Variants in RABGAP1L observed in about 807,000 individuals in gnomAD.
The protein encoded by RABGAP1L is rab GTPase-activating protein 1-like.
RABGAP1L carries 63 observed loss-of-function variants against 137.7 expected under a neutral mutation model. The observed-to-expected ratio is 0.46, with a 90% CI of 0.37 to 0.56. RABGAP1L has a LOEUF of 0.56. Ranked by LOEUF, RABGAP1L falls within the 20% of genes least tolerant of loss-of-function variation. RABGAP1L has a pLI of 0.00. For synonymous variants in RABGAP1L, 431 were observed against 433.7 expected (o/e 0.99, Z 0.08); for missense variants, 1,095 against 1,244.0 (o/e 0.88, Z 1.80).
intron 15 of RABGAP1L, among the ~76,000 whole-genome samples, chr1:174,695,647 G>A (rs1322835615): frequency 6.6e-6 from 1 of 152,112 alleles, no homozygotes; most frequent in Non-Finnish European, 1.5e-5. Flanking sequence ...GTTTTCCTGG[G>A]TATTCTTGAT....
chr1:174,581,564 A>T (rs568491690), intron 13 of RABGAP1L, among the ~76,000 whole-genome samples: 24 of 152,338 alleles, frequency 1.6e-4, no homozygotes, highest in Non-Finnish European at 3.1e-4. Context: ...TTGGAGGGTG[A>T]TGACAAAAAG....
chr1:174,755,547 C>T (rs912811461), intron 18 of RABGAP1L, among the ~76,000 whole-genome samples: 1 of 152,136 alleles, frequency 6.6e-6, no homozygotes, highest in Admixed American at 6.5e-5. Context: ...ATGCTTATTT[C>T]GTGTCCTACA....
intron 19 of RABGAP1L, among the ~76,000 whole-genome samples, chr1:174,816,557 T>A (rs1251064057): frequency 1.3e-5 from 2 of 152,320 alleles, no homozygotes; most frequent in African/African-American, 4.8e-5. Flanking sequence ...TGTATCAGGT[T>A]GAATTGATGA....
chr1:174,626,409 G>T (rs1477608656), intron 13 of RABGAP1L, among the ~76,000 whole-genome samples: 1 of 152,144 alleles, frequency 6.6e-6, no homozygotes, highest in Non-Finnish European at 1.5e-5. Flanking sequence ...CATGAATATT[G>T]ACTGCTCTCG....
At chr1:174,646,710 A>T (rs1674995939) in intron 14 of RABGAP1L, among the ~76,000 whole-genome samples, 2 of 152,198 alleles carry the variant, frequency 1.3e-5, no homozygotes, top group Admixed American at 1.3e-4. Context: ...TTGGTTCCAC[A>T]TGAGAAATTT....
chr1:174,508,601 C>G (rs1572102601), intron 13 of RABGAP1L, among the ~76,000 whole-genome samples: 2 of 152,148 alleles, frequency 1.3e-5, no homozygotes, highest in East Asian at 3.9e-4. Flanking sequence ...ACCCAGTTCC[C>G]TATTTGAGAG....
rs560782600 is a variant in RABGAP1L at position 174,280,835 on chromosome 1, C to T, written c.1323+2056C>T. Among the ~76,000 whole-genome samples the T allele has an allele frequency of 3.7e-4, 56 of 152,256 alleles. 1 individual carries two copies. In the South Asian group the frequency reaches 7.0e-3, roughly 19 times the overall value. On this transcript the variant is annotated intron_variant, in intron 10 of 25. Coordinates refer to ENST00000681986, the MANE Select transcript of RABGAP1L (RefSeq NM_001366446.1). ...GTCTTGCTGACTTCAAGAATGAAGCCGCGGACCCTTGCGGTGAGTGTTACA... is the reference window on the plus strand; with the variant it reads ...GTCTTGCTGACTTCAAGAATGAAGCTGCGGACCCTTGCGGTGAGTGTTACA...
At chr1:174,720,136 C>T (rs188544697) in intron 17 of RABGAP1L, among the ~76,000 whole-genome samples, 5 of 152,180 alleles carry the variant, frequency 3.3e-5, no homozygotes, top group Admixed American at 1.3e-4. Context: ...AATACACTCA[C>T]GTATTTGTGG....
At chr1:174,814,811 C>T (rs1322869419) in intron 19 of RABGAP1L, among the ~76,000 whole-genome samples, 3 of 152,096 alleles carry the variant, frequency 2.0e-5, no homozygotes, top group Non-Finnish European at 2.9e-5. Flanking sequence ...GCCTCAGCCT[C>T]CTGAGTAGCT....
chr1:174,402,469 T>A (rs149364771), intron 13 of RABGAP1L, among the ~76,000 whole-genome samples: 50 of 152,254 alleles, frequency 3.3e-4, no homozygotes, highest in African/African-American at 1.1e-3. Flanking sequence ...ACCTTAGAAG[T>A]CAGTGAGTAA....
intron 13 of RABGAP1L, among the ~76,000 whole-genome samples, chr1:174,635,789 A>G (rs920857204): frequency 1.3e-5 from 2 of 152,146 alleles, no homozygotes; most frequent in South Asian, 2.1e-4. Flanking sequence ...TCTAATTACC[A>G]CCCAGCATGA....
chr1:174,735,182 G>C (rs796881792), intron 17 of RABGAP1L, among the ~76,000 whole-genome samples: 10 of 151,762 alleles, frequency 6.6e-5, no homozygotes, highest in African/African-American at 2.4e-4. Flanking sequence ...TTGCCATCTT[G>C]CCCAGACTGG....
In RABGAP1L at chr1:174,780,068, C is replaced by CAATAAATAAATA. The variant is rs367683847; in HGVS notation, c.2211+27754_2211+27765dup. On this transcript the variant is annotated intron_variant, in intron 18 of 25. Transcript: ENST00000681986. Reference sequence around the variant, plus strand: ...GAAACAAGAGTGAAACTCCATCTTACAATAAATAAATAAATAAATAAATAA... The same window carrying CAATAAATAAATA: ...GAAACAAGAGTGAAACTCCATCTTACAATAAATAAATAAATAAATAAATAAATAAATAAATAA... Among the ~76,000 whole-genome samples the CAATAAATAAATA allele has an allele frequency of 2.5e-4, 23 of 92,338 alleles. 1 individual carries two copies. The highest frequency in any genetic ancestry group is 4.2e-4 in the South Asian group (1 of 2,388). The allele number at this position is 92,338 out of a possible 152,430, so 60.6% of individuals were successfully genotyped here. A position where few individuals can be genotyped will look rare whatever the true frequency, so the allele number is the denominator to read the frequency against.
chr1:174,705,402 T>C (rs1679974585), intron 17 of RABGAP1L: 1 of 152,204 alleles, frequency 6.6e-6, no homozygotes, highest in African/African-American at 2.4e-5. Flanking sequence ...ATAAATTTAT[T>C]AGCCTTCCCG....
At chr1:174,698,442 A>C (rs1679414655) in intron 15 of RABGAP1L, among the ~76,000 whole-genome samples, 1 of 152,216 alleles carries the variant, frequency 6.6e-6, no homozygotes, top group South Asian at 2.1e-4. Context: ...CAGGGAGGAT[A>C]GTCTCACGCT....
chr1:174,482,757 G>A (rs899387999), intron 13 of RABGAP1L, among the ~76,000 whole-genome samples: 7 of 152,186 alleles, frequency 4.6e-5, no homozygotes, highest in South Asian at 2.1e-4. Flanking sequence ...GATTACAGGG[G>A]TGAGCCACCA....
rs753841210 is a variant in RABGAP1L, at chr1:174,278,708, C to A, written c.1252C>A (p.Pro418Thr). The part of the protein sequence containing the change: ...FLLETVVRVY[P>T]ANERFWYFSR... Reference sequence around the variant, plus strand: ...CCTGGAGACAGTAGTCCGTGTGTACCCTGCAAATGAGCGATTTTGGTATTT... The same window carrying A: ...CCTGGAGACAGTAGTCCGTGTGTACACTGCAAATGAGCGATTTTGGTATTT... The change falls in exon 10 of 26, where the codon CCT becomes ACT. Residue 418 changes from proline (P) to threonine (T), a missense_variant. Around this residue, in one of 4 missense-constraint regions of RABGAP1L, gnomAD observed 315 missense variants for 324.8 expected, o/e 0.97. Transcript: ENST00000681986. The A allele has an allele frequency of 3.8e-6, 6 of 1,590,934 alleles. No individual in the cohort carries two copies. Among genetic ancestry groups the A allele is most frequent in the Non-Finnish European group, 5.1e-6 (6 of 1,173,430 alleles).
chr1:174,760,147 C>T (rs138867612), intron 18 of RABGAP1L, among the ~76,000 whole-genome samples: 17 of 151,892 alleles, frequency 1.1e-4, no homozygotes, highest in East Asian at 5.8e-4. Context: ...TTGTTGAGTC[C>T]GTTGCCACAC....
chr1:174,548,411 A>G (rs1339061345), intron 13 of RABGAP1L: 1 of 975,332 alleles, frequency 1.0e-6, no homozygotes. Context: ...GAAATAATGA[A>G]GAAACTCTGA....
Sources: gnomAD v4.1 joint callset for allele counts (sites outside exome capture counted in the v4.1 genomes callset) on GRCh38, gnomAD v4.1.1 for gene constraint, gnomAD v4.1.1 regional missense constraint, MANE v1.5 for transcripts, NCBI Gene and HGNC (gene_info 2026-07-23, HGNC 2026-07-21) for gene names.